NHSL1: variants seen among roughly 807,000 people sequenced by gnomAD.
NHSL1 encodes NHS like 1.
A neutral mutation model predicts 95.0 loss-of-function variants in NHSL1; 48 were observed. The observed-to-expected ratio is 0.51, with a 90% CI of 0.40 to 0.64. NHSL1 has a LOEUF of 0.64. NHSL1 is among the 30% of genes least tolerant of loss of function. NHSL1 has a pLI of 0.00. For missense variants in NHSL1, 1,971 were observed against 2,077.7 expected (o/e 0.95, Z 1.00); for synonymous variants, 783 against 833.9 (o/e 0.94, Z 1.05).
intron 1 of NHSL1, among the ~76,000 whole-genome samples, chr6:138,607,268 G>A (rs894210662): frequency 6.6e-6 from 1 of 152,158 alleles, no homozygotes; most frequent in Non-Finnish European, 1.5e-5. Flanking sequence ...ACAGAAAGAT[G>A]ATTCAGTCAG....
At chr6:138,428,586 C>T (rs1446573533) in intron 7 of NHSL1, among the ~76,000 whole-genome samples, 2 of 152,170 alleles carry the variant, frequency 1.3e-5, no homozygotes, top group Non-Finnish European at 2.9e-5. Context: ...TTGACAAGAA[C>T]ATTAATTCAC....
chr6:138,640,659 G>A (rs781025233), intron 1 of NHSL1, among the ~76,000 whole-genome samples: 8 of 152,012 alleles, frequency 5.3e-5, no homozygotes, highest in Non-Finnish European at 8.8e-5. Context: ...ATGCAAATCC[G>A]TGTCAATTGA....
chr6:138,656,981 T>C (rs2114722675), intron 1 of NHSL1, among the ~76,000 whole-genome samples: 1 of 152,328 alleles, frequency 6.6e-6, no homozygotes. Context: ...ATTTATTATC[T>C]AGATCAGAGC....
At chr6:138,491,302 T>C (rs1181687422) in intron 2 of NHSL1, among the ~76,000 whole-genome samples, 2 of 152,210 alleles carry the variant, frequency 1.3e-5, no homozygotes, top group Non-Finnish European at 2.9e-5. Flanking sequence ...ATTATGTTTA[T>C]CTCTCTCTCA....
At chr6:138,611,057 CAGAG>C (rs993906447) in intron 1 of NHSL1, among the ~76,000 whole-genome samples, 1 of 149,370 alleles carries the variant, frequency 6.7e-6, no homozygotes, top group Non-Finnish European at 1.5e-5. Flanking sequence ...CAGTGAGTGA[CAGAG>C]AGAGACTGTC....
intron 1 of NHSL1, chr6:138,512,154 T>A (rs757010918): frequency 2.8e-6 from 1 of 361,912 alleles, no homozygotes; most frequent in Non-Finnish European, 5.3e-6. Flanking sequence ...AAGTATACAT[T>A]TAGGCTGCTG....
In NHSL1 at chr6:138,437,413, TACACACAC is replaced by T. The variant is rs71546236; in HGVS notation, c.665-3741_665-3734del. On this transcript the variant is annotated intron_variant, in intron 5 of 7. Transcript: ENST00000343505. ...ACATATATATATATATACACACATA[TACACACAC>T]ACACACACACACACACACACACACA... 8.8e-4 allele frequency among the ~76,000 whole-genome samples: 42 copies of T among 47,914 alleles called. 4 individuals carry two copies. The highest frequency in any genetic ancestry group is 4.3e-3 in the African/African-American group (38 of 8,808). 31.4% of individuals were successfully genotyped at this position (47,914 alleles called of 152,430 possible).
At chr6:138,673,831 C>T (rs549565456) in intron 1 of NHSL1, among the ~76,000 whole-genome samples, 1 of 152,220 alleles carries the variant, frequency 6.6e-6, no homozygotes, top group Non-Finnish European at 1.5e-5. Flanking sequence ...AAAACATGTA[C>T]TTTACCAAAA....
intron 5 of NHSL1, 47 bp downstream of exon 5, chr6:138,441,936 C>A: frequency 6.6e-7 from 1 of 1,512,040 alleles, no homozygotes; most frequent in Non-Finnish European, 8.9e-7. Context: ...CGCAGTAAGG[C>A]CGAGCAGCAG....
intron 1 of NHSL1, among the ~76,000 whole-genome samples, chr6:138,519,053 C>G (rs4895531): frequency 6.7e-6 from 1 of 150,336 alleles, no homozygotes; most frequent in Non-Finnish European, 1.5e-5. Flanking sequence ...TAAATAAATA[C>G]ATACATACAT....
intron 1 of NHSL1, among the ~76,000 whole-genome samples, chr6:138,651,469 A>G (rs536474821): frequency 1.3e-5 from 2 of 152,376 alleles, no homozygotes; most frequent in East Asian, 1.9e-4. Context: ...TTAACAAAAT[A>G]GAATAGTTGT....
intron 1 of NHSL1, among the ~76,000 whole-genome samples, chr6:138,662,408 C>T (rs940331253): frequency 5.3e-5 from 8 of 152,170 alleles, no homozygotes; most frequent in Non-Finnish European, 1.2e-4. Flanking sequence ...TTAGGATCCT[C>T]GTCCTTGGAA....
intron 1 of NHSL1, among the ~76,000 whole-genome samples, chr6:138,583,685 G>C (rs932850506): frequency 2.0e-5 from 3 of 152,110 alleles, no homozygotes; most frequent in Non-Finnish European, 4.4e-5. Context: ...GCTGTTCATC[G>C]TCATGTTCAA....
At chr6:138,538,601 G>T (rs936733083) in intron 1 of NHSL1, among the ~76,000 whole-genome samples, 1 of 152,078 alleles carries the variant, frequency 6.6e-6, no homozygotes, top group Non-Finnish European at 1.5e-5. Flanking sequence ...GAGAGCAGAG[G>T]CGTCTGTCCC....
chr6:138,430,969 C>T lies in NHSL1; in HGVS notation c.3376G>A (p.Glu1126Lys). 2.6e-6 allele frequency: 4 copies of T among 1,551,964 alleles called. No individual in the cohort carries two copies. The highest frequency in any genetic ancestry group is 3.5e-6 in the Non-Finnish European group (4 of 1,147,060). ...LKSRNSTNEM[E>K]SESQPASVTS... The stretch of plus-strand genomic sequence containing the variant: ...ACAGAGGCAGGCTGGCTTTCACTCT[C>T]CATTTCATTTGTGCTATTTCGGGAT... The change falls in exon 6 of 8, where the codon GAG becomes AAG. Residue 1126 changes from glutamate (E) to lysine (K), a missense_variant. Transcript: ENST00000343505. This position sits in a 1 kb window ranked among gnomAD's most constrained non-coding sequence, Gnocchi z 4.7.
At position 138,692,007 on chromosome 6, in the gene NHSL1, C is replaced by G. The variant is rs1383758655; in HGVS notation, c.96+469G>C. On this transcript the variant is annotated intron_variant, in intron 1 of 3. Coordinates refer to the NHSL1 transcript ENST00000491526. The surrounding 1 kb of genome is among the most constrained non-coding windows in gnomAD (Gnocchi z 4.0). Reference sequence around the variant, plus strand: ...AGAGAGGTGGCAAGCAGCCCCAACGCTCGCCGAGATCCCCAGGGTTTTACA... The same window carrying G: ...AGAGAGGTGGCAAGCAGCCCCAACGGTCGCCGAGATCCCCAGGGTTTTACA... 4.4e-6 allele frequency: 2 copies of G among 456,576 alleles called. No individual in the cohort carries two copies. The highest frequency in any genetic ancestry group is 8.8e-6 in the Non-Finnish European group (2 of 226,974). 28.3% of individuals were successfully genotyped at this position (456,576 alleles called of 1,614,324 possible).
chr6:138,441,992 T>C lies in NHSL1; in HGVS notation c.655A>G (p.Lys219Glu). The stretch of plus-strand genomic sequence containing the variant: ...TTCTGATGAGCCATACCTAGCTCCT[T>C]CTGTATGTTGTCAGGGACTCCTGTA... ...TITGVPDNIQ[K>E]ELASGTGQDD... The change falls in exon 5 of 8, where the codon AAG (lysine) becomes GAG (glutamate). Residue 219 changes from lysine (K) to glutamate (E), a missense_variant. Around this residue, in one of 3 missense-constraint regions of NHSL1, gnomAD observed 1,602 missense variants for 1,654.5 expected, o/e 0.97. Coordinates refer to ENST00000343505, the MANE Select transcript of NHSL1 (RefSeq NM_001144060.2). 1 of 1,550,892 alleles carries C rather than the reference T, an allele frequency of 6.4e-7. No individual in the cohort carries two copies. Among genetic ancestry groups the C allele is most frequent in the Non-Finnish European group, 8.7e-7 (1 of 1,146,672 alleles).
intron 1 of NHSL1, among the ~76,000 whole-genome samples, chr6:138,531,063 G>A (rs1308674583): frequency 4.6e-5 from 7 of 152,122 alleles, no homozygotes; most frequent in Non-Finnish European, 2.9e-5. Flanking sequence ...CAACCCGGAA[G>A]AGGAACCTCA....
intron 1 of NHSL1, among the ~76,000 whole-genome samples, chr6:138,660,491 T>A (rs1472288643): frequency 6.6e-6 from 1 of 151,628 alleles, no homozygotes; most frequent in Non-Finnish European, 1.5e-5. Flanking sequence ...CCCCTATACC[T>A]CCTTAATTTA....
Sources: allele counts gnomAD v4.1 joint callset (sites outside exome capture counted in the v4.1 genomes callset), GRCh38; gene constraint gnomAD v4.1.1; regional missense constraint gnomAD v4.1.1; non-coding constraint Gnocchi (gnomAD v3.1); transcripts MANE v1.5; gene names NCBI Gene and HGNC (gene_info 2026-07-23, HGNC 2026-07-21).